The following ZNF487 variants were observed in gnomAD, a reference collection of about 807,000 sequenced individuals.
The protein encoded by ZNF487 is zinc finger protein 487, also known as KRAB domain only 1.
In ZNF487, 4 loss-of-function variants were observed where a neutral mutation model predicts 3.0. That is an observed-to-expected ratio of 1.35 (90% CI 0.66 to 3.08). ZNF487 has a LOEUF of 3.08. Among genes scored for constraint, ZNF487 ranks in the 30% most tolerant of loss-of-function variants. ZNF487 has a pLI of 0.01. For missense variants in ZNF487, 146 were observed against 98.7 expected (o/e 1.48, Z -2.03); for synonymous variants, 55 against 34.6 (o/e 1.59, Z -2.06).
chr10:43,470,199 T>C (rs1238021035), intron 1 of ZNF487, among the ~76,000 whole-genome samples: 2 of 152,090 alleles, frequency 1.3e-5, no homozygotes, highest in South Asian at 2.1e-4. Context: ...CACACTCTTT[T>C]AACTTTCCCT....
At chr10:43,514,404 G>A in the ZNF487 span, among the ~76,000 whole-genome samples, 3 of 152,210 alleles carry the variant, frequency 2.0e-5, no homozygotes, top group Admixed American at 6.5e-5. Flanking sequence ...GCCTCCCAAA[G>A]TGCTGGGATT....
At chr10:43,519,744 C>T in the ZNF487 span, among the ~76,000 whole-genome samples, 5 of 152,138 alleles carry the variant, frequency 3.3e-5, no homozygotes, top group South Asian at 2.1e-4. Context: ...GGGATTACAG[C>T]GTGAGCCACT....
chr10:43,441,399 G>C (rs1839604098), intron 1 of ZNF487, among the ~76,000 whole-genome samples: 3 of 150,922 alleles, frequency 2.0e-5, no homozygotes, highest in Admixed American at 2.0e-4. Context: ...CCGACTAGCT[G>C]GGACTACAGA....
At chr10:43,504,293 C>CTTTTTTTTTTTTTT in the ZNF487 span, among the ~76,000 whole-genome samples, 76 of 108,944 alleles carry the variant, frequency 7.0e-4, no homozygotes, top group Non-Finnish European at 1.0e-3. Flanking sequence ...TTCTTTCTTT[C>CTTTTTTTTTTTTTT]TTTTTTTTTT....
the ZNF487 span, among the ~76,000 whole-genome samples, chr10:43,498,101 T>A: frequency 0.3 from 3,654 of 12,296 alleles, 290 homozygotes; most frequent in East Asian, 0.36. Flanking sequence ...ATATATATAT[T>A]TTTTTTTTTT....
chr10:43,464,839 C>T (rs574112902), intron 1 of ZNF487, among the ~76,000 whole-genome samples: 1 of 152,220 alleles, frequency 6.6e-6, no homozygotes, highest in African/African-American at 2.4e-5. Context: ...TTCTATTCCA[C>T]AAAACCGCCA....
At chr10:43,453,267 C>T (rs1352710957) in intron 1 of ZNF487, 2 of 152,168 alleles carry the variant, frequency 1.3e-5, no homozygotes. Flanking sequence ...AGGAGATACA[C>T]ACTTGCATAC....
chr10:43,445,881 C>G (rs905354747), intron 1 of ZNF487, among the ~76,000 whole-genome samples: 4 of 152,056 alleles, frequency 2.6e-5, no homozygotes, highest in African/African-American at 9.7e-5. Context: ...GGTGATGACT[C>G]TTAATGAGCA....
At chr10:43,509,678 T>C in the ZNF487 span, among the ~76,000 whole-genome samples, 1 of 151,980 alleles carries the variant, frequency 6.6e-6, no homozygotes, top group Admixed American at 6.6e-5. Flanking sequence ...AGTCTCTCTT[T>C]TCACGTATTT....
At chr10:43,473,304 T>G (rs1840972551) in intron 1 of ZNF487, among the ~76,000 whole-genome samples, 1 of 151,724 alleles carries the variant, frequency 6.6e-6, no homozygotes, top group Non-Finnish European at 1.5e-5. Context: ...GCCAGGGAAC[T>G]CCTGACCTCA....
Position 43,481,846 on chromosome 10 carries a change from A to G in ZNF487, c.548A>G (p.Asn183Ser), listed in dbSNP as rs1235277115. The change falls in exon 4 of 4, where the codon AAT (asparagine) becomes AGT (serine). Residue 183 changes from asparagine (N) to serine (S), a missense_variant. Transcript: ENST00000437590. The part of the protein sequence containing the change: ...IQTLKQCFEY[N>S]QCGKAFHEEA... The stretch of plus-strand genomic sequence containing the variant: ...ACTCTTAAGCAGTGTTTTGAATACA[A>G]TCAGTGTGGGAAGGCTTTTCATGAA... 1.4e-6 allele frequency: 1 copy of G among 703,028 alleles called. No individual in the cohort carries two copies. Among genetic ancestry groups the G allele is most frequent in the South Asian group, 1.5e-5 (1 of 67,592 alleles). 43.5% of individuals were successfully genotyped at this position (703,028 alleles called of 1,614,324 possible).
At chr10:43,465,022 A>ACCCCCCCACCTCCCTCC (rs1564421750) in intron 1 of ZNF487, among the ~76,000 whole-genome samples, 21 of 132,912 alleles carry the variant, frequency 1.6e-4, no homozygotes, top group African/African-American at 5.5e-4. Context: ...TCCCTCCCGG[A>ACCCCCCCACCTCCCTCC]CGGGGCGGCT....
chr10:43,486,861 C>G (rs1032575228), downstream of ZNF487, among the ~76,000 whole-genome samples: 10 of 152,076 alleles, frequency 6.6e-5, no homozygotes, highest in African/African-American at 2.4e-4. Flanking sequence ...GTATTCTACC[C>G]AATGGAATAT....
chr10:43,474,826 G>T (rs1841033911), intron 1 of ZNF487, among the ~76,000 whole-genome samples: 1 of 151,914 alleles, frequency 6.6e-6, no homozygotes, highest in Non-Finnish European at 1.5e-5. Context: ...CAAGTGATCT[G>T]CCTGCCTTGG....
At chr10:43,507,905 C>A in the ZNF487 span, among the ~76,000 whole-genome samples, 4 of 152,160 alleles carry the variant, frequency 2.6e-5, no homozygotes, top group African/African-American at 9.7e-5. Flanking sequence ...GGCTAGAAAT[C>A]TAAAATATTG....
chr10:43,451,022 A>G (rs1380681011), intron 1 of ZNF487, among the ~76,000 whole-genome samples: 2 of 151,844 alleles, frequency 1.3e-5, no homozygotes, highest in Non-Finnish European at 2.9e-5. Context: ...ATCTTGGCTC[A>G]CTGCAACCTC....
chr10:43,478,344 T>C (rs59770090), intron 3 of ZNF487, among the ~76,000 whole-genome samples: 5,190 of 152,032 alleles, frequency 0.034, 114 homozygotes, highest in South Asian at 0.042. Context: ...CACCTGAGGT[T>C]GAGAGTTCGA....
downstream of ZNF487, among the ~76,000 whole-genome samples, chr10:43,486,206 A>G (rs915210095): frequency 3.3e-5 from 5 of 152,186 alleles, no homozygotes; most frequent in Non-Finnish European, 7.4e-5. Flanking sequence ...ATGCAGCCAT[A>G]TTGTTTCTTA....
the ZNF487 span, among the ~76,000 whole-genome samples, chr10:43,500,668 AT>A: frequency 0.031 from 4,367 of 142,216 alleles, 91 homozygotes; most frequent in Non-Finnish European, 0.043. Context: ...TGCCCAGCTA[AT>A]TTTTTTTTTT....
Sources: gnomAD v4.1 joint callset for allele counts (sites outside exome capture counted in the v4.1 genomes callset) on GRCh38, gnomAD v4.1.1 for gene constraint, MANE v1.5 for transcripts, NCBI Gene and HGNC (gene_info 2026-07-23, HGNC 2026-07-21) for gene names.